The following CEP70 variants were observed in gnomAD, a reference collection of about 807,000 sequenced individuals.
CEP70 encodes centrosomal protein of 70 kDa.
A neutral mutation model predicts 90.9 loss-of-function variants in CEP70; 70 were observed. The ratio of observed to expected loss-of-function variants is 0.77; its 90% CI spans 0.64 to 0.94. CEP70 has a LOEUF of 0.94. Among genes scored for constraint, CEP70 ranks in the 40% least tolerant of loss-of-function variants. The probability of loss-of-function intolerance (pLI) is 0.00; values close to 1 mark genes in which losing one functional copy is unlikely to be tolerated. For missense variants in CEP70, 648 were observed against 669.0 expected (o/e 0.97, Z 0.35); for synonymous variants, 220 against 228.3 (o/e 0.96, Z 0.33).
intron 2 of CEP70, among the ~76,000 whole-genome samples, chr3:138,574,131 G>C (rs1440723900): frequency 1.3e-5 from 2 of 152,140 alleles, no homozygotes; most frequent in Non-Finnish European, 2.9e-5. Context: ...GCCGAAGCAG[G>C]GTGGGGCATT....
intron 6 of CEP70, among the ~76,000 whole-genome samples, chr3:138,561,621 T>C (rs1047098203): frequency 2.0e-5 from 3 of 152,078 alleles, no homozygotes; most frequent in Non-Finnish European, 2.9e-5. Flanking sequence ...TCTAACCCAA[T>C]GCAAGGAAGC....
chr3:138,522,150 G>A (rs1373967321), intron 11 of CEP70, among the ~76,000 whole-genome samples: 2 of 151,976 alleles, frequency 1.3e-5, no homozygotes, highest in Non-Finnish European at 2.9e-5. Flanking sequence ...ACTGCGGAAG[G>A]CCGCAGGGTC....
chr3:138,546,269 C>T (rs1181128326), intron 6 of CEP70, among the ~76,000 whole-genome samples: 1 of 152,068 alleles, frequency 6.6e-6, no homozygotes, highest in Non-Finnish European at 1.5e-5. Context: ...CGGGTTCCCC[C>T]AGCAGAAAAT....
intron 11 of CEP70, 45 bp downstream of exon 11, chr3:138,525,445 A>T (rs774970917): frequency 1.4e-6 from 1 of 718,028 alleles, no homozygotes; most frequent in Admixed American, 2.9e-5. Context: ...TAAATAAAAT[A>T]AAAAATCCTA....
rs777808748 is a variant in CEP70 at position 138,537,222 on chromosome 3, A to C, written c.591T>G (p.Phe197Leu). The stretch of plus-strand genomic sequence containing the variant: ...GAGGAACTCTTTTGCACAGATAGGC[A>C]AACACTCTGTTTTGAGTGACAATGC... ...EDRIVTQNRVFAYLCKRVPHT... is the reference protein window; with the variant it reads ...EDRIVTQNRVLAYLCKRVPHT... The change falls in exon 7 of 18, where the codon TTT (phenylalanine) becomes TTG (leucine). Residue 197 changes from phenylalanine to leucine, a missense_variant. Transcript: ENST00000264982. The C allele has an allele frequency of 1.2e-6, 2 of 1,602,580 alleles. No individual in the cohort carries two copies.
intron 13 of CEP70, among the ~76,000 whole-genome samples, 160 bp from the exon 14 acceptor site, chr3:138,501,041 CA>C (rs1360068215): frequency 2.0e-5 from 3 of 151,322 alleles, no homozygotes; most frequent in Non-Finnish European, 4.4e-5. Context: ...ATGTAACCAT[CA>C]TTTTTTTTAA....
intron 11 of CEP70, among the ~76,000 whole-genome samples, chr3:138,512,287 A>G (rs2035604076): frequency 6.6e-6 from 1 of 152,200 alleles, no homozygotes; most frequent in African/African-American, 2.4e-5. Context: ...CTAGAGCTAA[A>G]AAGGGCACTT....
At chr3:138,572,187 T>C (rs992226160) in intron 3 of CEP70, among the ~76,000 whole-genome samples, 7 of 152,200 alleles carry the variant, frequency 4.6e-5, no homozygotes, top group African/African-American at 1.7e-4. Context: ...GGTCTAACTA[T>C]AAAAAGGAGC....
chr3:138,586,227 G>A (rs557124907), intron 2 of CEP70, among the ~76,000 whole-genome samples: 10 of 151,866 alleles, frequency 6.6e-5, no homozygotes, highest in Non-Finnish European at 1.3e-4. Flanking sequence ...GCACAATCTC[G>A]GCTCACTGCA....
At chr3:138,569,186 ATC>A (rs2040997274) in intron 6 of CEP70, among the ~76,000 whole-genome samples, 1 of 152,088 alleles carries the variant, frequency 6.6e-6, no homozygotes. Flanking sequence ...GCCCCCTAGT[ATC>A]TCTGATTAAT....
chr3:138,527,449 C>T (rs1576657403), intron 10 of CEP70, among the ~76,000 whole-genome samples: 1 of 151,788 alleles, frequency 6.6e-6, no homozygotes, highest in Admixed American at 6.6e-5. Context: ...GTAATTAACA[C>T]TTTGGGAGGC....
intron 6 of CEP70, among the ~76,000 whole-genome samples, chr3:138,548,955 C>A (rs555339633): frequency 6.6e-6 from 1 of 152,250 alleles, no homozygotes; most frequent in Non-Finnish European, 1.5e-5. Flanking sequence ...ACCTGAAGGT[C>A]TAGCTCATGG....
In CEP70 at chr3:138,532,797, C is replaced by T. The variant is rs540077197; in HGVS notation, c.636-227G>A. Among the ~76,000 whole-genome samples, 520 of 152,304 alleles carry T rather than the reference C, an allele frequency of 3.4e-3. 3 individuals carry two copies. Among genetic ancestry groups the T allele is most frequent in the Non-Finnish European group, 5.8e-3 (397 of 68,028 alleles). ...AATAACTATAAACATTATATCTCAACATATTAAATGCATATCCTCCTTGTC... is the reference window on the plus strand; with the variant it reads ...AATAACTATAAACATTATATCTCAATATATTAAATGCATATCCTCCTTGTC... On this transcript the variant is annotated intron_variant, in intron 7 of 17. Coordinates refer to ENST00000264982, the MANE Select transcript of CEP70 (RefSeq NM_024491.4).
chr3:138,588,984 C>G (rs2042243479), intron 2 of CEP70, among the ~76,000 whole-genome samples: 1 of 152,132 alleles, frequency 6.6e-6, no homozygotes, highest in Admixed American at 6.5e-5. Flanking sequence ...CTATAACATT[C>G]CATTTATATA....
intron 6 of CEP70, among the ~76,000 whole-genome samples, chr3:138,539,163 T>C (rs980121302): frequency 6.6e-6 from 1 of 152,060 alleles, no homozygotes; most frequent in African/African-American, 2.4e-5. Flanking sequence ...CACACCTGGA[T>C]AGTTGCGTAC....
chr3:138,512,397 A>G (rs1209019559), intron 11 of CEP70, among the ~76,000 whole-genome samples: 1 of 152,192 alleles, frequency 6.6e-6, no homozygotes, highest in Non-Finnish European at 1.5e-5. Flanking sequence ...CATGAACAAT[A>G]TAACTTCTAT....
intron 2 of CEP70, among the ~76,000 whole-genome samples, chr3:138,584,747 T>C (rs1234953761): frequency 6.6e-6 from 1 of 151,750 alleles, no homozygotes; most frequent in Non-Finnish European, 1.5e-5. Context: ...TCAACATTCC[T>C]TCATGATTTA....
intron 6 of CEP70, among the ~76,000 whole-genome samples, chr3:138,540,480 TAAAA>T (rs35741273): frequency 7.3e-5 from 9 of 123,656 alleles, no homozygotes; most frequent in Non-Finnish European, 5.1e-5. Flanking sequence ...CAAGACTATG[TAAAA>T]AAAAAAAAAA....
intron 11 of CEP70, among the ~76,000 whole-genome samples, chr3:138,521,690 G>A (rs990575640): frequency 2.1e-5 from 3 of 145,546 alleles, no homozygotes; most frequent in African/African-American, 7.7e-5. Context: ...CTGCCCGGCC[G>A]CCCCGTCTCG....
Sources: gnomAD v4.1 joint callset for allele counts (sites outside exome capture counted in the v4.1 genomes callset) on GRCh38, gnomAD v4.1.1 for gene constraint, MANE v1.5 for transcripts, NCBI Gene and HGNC (gene_info 2026-07-23, HGNC 2026-07-21) for gene names.